The following CARM1 variants were observed in gnomAD, a reference collection of about 807,000 sequenced individuals.
CARM1 encodes coactivator associated arginine methyltransferase 1, also known as histone-arginine methyltransferase CARM1.
Under a neutral mutation model 72.7 loss-of-function variants are expected in CARM1, and 14 were observed. That is an observed-to-expected ratio of 0.19 (90% confidence interval 0.13 to 0.30). The LOEUF (loss-of-function observed/expected upper bound fraction) is 0.30. Among genes scored for constraint, CARM1 ranks in the 10% least tolerant of loss-of-function variants. The pLI is 1.00. For missense variants in CARM1, 432 were observed against 833.7 expected (o/e 0.52, Z 5.93); for synonymous variants, 333 against 345.5 (o/e 0.96, Z 0.40).
intron 1 of CARM1, among the ~76,000 whole-genome samples, chr19:10,891,246 G>T (rs1364044974): frequency 6.6e-6 from 1 of 152,042 alleles, no homozygotes; most frequent in Non-Finnish European, 1.5e-5. Context: ...GGGTGGGTTC[G>T]TCCTCATGGC....
chr19:10,880,962 C>T (rs1245383108), intron 1 of CARM1, among the ~76,000 whole-genome samples: 1 of 152,164 alleles, frequency 6.6e-6, no homozygotes, highest in African/African-American at 2.4e-5. Context: ...CAGGAATTTA[C>T]AACCAGCCCG....
chr19:10,873,576 G>A (rs1413680781), intron 1 of CARM1, among the ~76,000 whole-genome samples: 1 of 145,722 alleles, frequency 6.9e-6, no homozygotes, highest in East Asian at 2.1e-4. Context: ...GAGACAGAGT[G>A]AGACTCCATC....
At chr19:10,909,888 T>C (rs1266993013) in intron 4 of CARM1, among the ~76,000 whole-genome samples, 1 of 152,242 alleles carries the variant, frequency 6.6e-6, no homozygotes, top group Non-Finnish European at 1.5e-5. Flanking sequence ...AGGTCTCTTC[T>C]TCAAGATTTT....
intron 14 of CARM1, 107 bp downstream of exon 14, chr19:10,921,234 C>T (rs570983926): frequency 7.0e-7 from 1 of 1,433,124 alleles, no homozygotes; most frequent in Admixed American, 1.8e-5. Context: ...GGTCCTTTCA[C>T]CTTTTCCTCT....
chr19:10,921,511 G>A (rs530190712), intron 15 of CARM1, 68 bp downstream of exon 15: 191 of 1,568,248 alleles, frequency 1.2e-4, no homozygotes, highest in Admixed American at 2.8e-4. Context: ...TCCTCTGTCC[G>A]GCCGCCCGCC....
chr19:10,875,216 A>G (rs142382867), intron 1 of CARM1, among the ~76,000 whole-genome samples: 17 of 152,320 alleles, frequency 1.1e-4, no homozygotes, highest in African/African-American at 4.1e-4. Flanking sequence ...GAGGTTCTAC[A>G]GGAAAATCCT....
chr19:10,890,698 TAC>T (rs970780664), intron 1 of CARM1, among the ~76,000 whole-genome samples: 3 of 146,778 alleles, frequency 2.0e-5, no homozygotes, highest in Admixed American at 6.9e-5. Context: ...CACACATATA[TAC>T]ACACACATAT....
intron 1 of CARM1, among the ~76,000 whole-genome samples, chr19:10,897,128 A>G (rs1244100595): frequency 1.3e-5 from 2 of 152,226 alleles, no homozygotes; most frequent in African/African-American, 4.8e-5. Context: ...TAGGAAGCGC[A>G]GAGACATTGG....
intron 14 of CARM1, 78 bp from the exon 15 acceptor site, chr19:10,921,297 C>G: frequency 6.5e-7 from 1 of 1,540,996 alleles, no homozygotes; most frequent in Non-Finnish European, 8.9e-7. Flanking sequence ...GCTCTGCAGC[C>G]TGCTGCTGTG....
At chr19:10,874,280 C>T (rs1568343919) in intron 1 of CARM1, among the ~76,000 whole-genome samples, 1 of 152,174 alleles carries the variant, frequency 6.6e-6, no homozygotes, top group Non-Finnish European at 1.5e-5. Flanking sequence ...AGAAAGTCCA[C>T]ATTCCTCAGA....
intron 3 of CARM1, 50 bp from the exon 4 acceptor site, chr19:10,909,053 C>G (rs770590567): frequency 4.2e-6 from 6 of 1,431,298 alleles, no homozygotes; most frequent in Non-Finnish European, 5.9e-6. Context: ...AGGGCCTTGG[C>G]TGCCTCGTGC....
At position 10,920,702 on chromosome 19, in the gene CARM1, G is replaced by A. The variant is rs1441066312; in HGVS notation, c.1378G>A (p.Gly460Ser). 4 of 1,614,012 alleles carry A rather than the reference G, an allele frequency of 2.5e-6. No individual in the cohort carries two copies. Among genetic ancestry groups the A allele is most frequent in the Admixed American group, 1.7e-5 (1 of 59,998 alleles). Residue 460 changes from glycine to serine, a missense_variant, in exon 12 of 16, where the codon GGC becomes AGC. Gly to Ser is a moderately conservative substitution (Grantham distance 56). Transcript: ENST00000327064. The surrounding 1 kb of genome is among the most constrained non-coding windows in gnomAD (Gnocchi z 5.3). ...TATTGTGGCCCAGGTGGACCAGACC[G>A]GCTCCAAGTCCAGTAACCTCCTGGA... ...ISIVAQVDQT[G>S]SKSSNLLDLK...
Position 10,916,311 on chromosome 19 carries a change from AC to A in CARM1, c.848-93del. On this transcript the variant is annotated intron_variant, in intron 6 of 15. Transcript: ENST00000327064. This position sits in a 1 kb window ranked among gnomAD's most constrained non-coding sequence, Gnocchi z 4.4. Reference sequence around the variant, plus strand: ...AACGAATGGATGACAGGCTGGGAGCACCCAGGGTTGGGGGTCTTGGGGTCCT... The same window carrying A: ...AACGAATGGATGACAGGCTGGGAGCACCAGGGTTGGGGGTCTTGGGGTCCT... 1 of 781,124 alleles carries A rather than the reference AC, an allele frequency of 1.3e-6. No individual in the cohort carries two copies. 48.4% of individuals were successfully genotyped at this position (781,124 alleles called of 1,614,324 possible).
intron 1 of CARM1, among the ~76,000 whole-genome samples, chr19:10,888,663 T>C (rs1033144011): frequency 6.6e-6 from 1 of 152,072 alleles, no homozygotes; most frequent in African/African-American, 2.4e-5. Context: ...CACAACCCCA[T>C]GCTTTTCATA....
intron 1 of CARM1, among the ~76,000 whole-genome samples, chr19:10,886,779 C>T (rs561623725): frequency 2.6e-5 from 4 of 152,060 alleles, no homozygotes; most frequent in East Asian, 3.9e-4. Flanking sequence ...TGCAGCAAGC[C>T]GAGGTCGCTC....
intron 4 of CARM1, among the ~76,000 whole-genome samples, chr19:10,909,433 T>TA (rs978523097): frequency 1.9e-4 from 26 of 139,076 alleles, no homozygotes; most frequent in African/African-American, 3.6e-4. Flanking sequence ...TCTTGTCTCT[T>TA]AAAAAAAAAC....
intron 1 of CARM1, among the ~76,000 whole-genome samples, chr19:10,873,588 CAAA>C (rs917963778): frequency 2.0e-5 from 2 of 99,796 alleles, no homozygotes; most frequent in African/African-American, 7.7e-5. Flanking sequence ...GACTCCATCT[CAAA>C]AAAAAAATTT....
At chr19:10,880,513 ATTTTTTTT>A (rs34015668) in intron 1 of CARM1, among the ~76,000 whole-genome samples, 2 of 136,270 alleles carry the variant, frequency 1.5e-5, no homozygotes, top group Non-Finnish European at 1.6e-5. Flanking sequence ...TGCCTGGCTA[ATTTTTTTT>A]TTTTTTTTTT....
At chr19:10,876,386 C>A (rs2073864967) in intron 1 of CARM1, among the ~76,000 whole-genome samples, 1 of 152,212 alleles carries the variant, frequency 6.6e-6, no homozygotes, top group African/African-American at 2.4e-5. Flanking sequence ...TGGGAATGAG[C>A]TAGCTTTTCT....
Sources: allele counts gnomAD v4.1 joint callset (sites outside exome capture counted in the v4.1 genomes callset), GRCh38; gene constraint gnomAD v4.1.1; non-coding constraint Gnocchi (gnomAD v3.1); transcripts MANE v1.5; gene names NCBI Gene and HGNC (gene_info 2026-07-23, HGNC 2026-07-21).